The following OPHN1 variants were observed in gnomAD, a reference collection of about 807,000 sequenced individuals.
OPHN1 encodes oligophrenin 1.
In OPHN1, 11 loss-of-function variants were observed where a neutral mutation model predicts 60.7. That is an observed-to-expected ratio of 0.18 (90% CI 0.11 to 0.30). The LOEUF is 0.30. OPHN1 is among the 10% of genes least tolerant of loss of function. OPHN1 has a pLI of 1.00. For synonymous variants in OPHN1, 226 were observed against 222.6 expected, an observed-to-expected ratio of 1.02 and a Z score of -0.14; for missense variants, 449 against 611.0, an observed-to-expected ratio of 0.73 and a Z score of 2.80.
At chrX:68,317,553 AAG>A (rs1375572654) in intron 2 of OPHN1, among the ~76,000 whole-genome samples, 1 of 80,975 alleles carries the variant, frequency 1.2e-5, no homozygotes, top group African/African-American at 5.9e-5. Flanking sequence ...GAAAGAAAGA[AAG>A]AAAGAAAGAA....
chrX:68,394,086 G>T (rs2078670736), intron 2 of OPHN1, among the ~76,000 whole-genome samples: 1 of 106,380 alleles, frequency 9.4e-6, no homozygotes, highest in African/African-American at 3.3e-5. Flanking sequence ...TAGTAGAGAC[G>T]GGGTTTCACC....
intron 5 of OPHN1, among the ~76,000 whole-genome samples, chrX:68,252,253 A>G (rs1229165366): frequency 1.8e-5 from 2 of 112,604 alleles, no homozygotes; most frequent in Non-Finnish European, 3.7e-5. Flanking sequence ...TGAGCCAGAA[A>G]TAAATGCTTA....
At chrX:68,430,212 G>A (rs140546935) in intron 2 of OPHN1, among the ~76,000 whole-genome samples, 415 of 111,760 alleles carry the variant, frequency 3.7e-3, no homozygotes, top group Non-Finnish European at 6.3e-3. Context: ...AAGTCGCTCC[G>A]CTGGCACAGT....
intron 2 of OPHN1, among the ~76,000 whole-genome samples, chrX:68,303,371 G>A (rs2078130034): frequency 9.0e-6 from 1 of 111,611 alleles, no homozygotes; most frequent in Admixed American, 9.6e-5. Flanking sequence ...AATGGGCCAG[G>A]CACAGTGGCT....
At chrX:68,393,885 G>GCTTTTTTT (rs2078666953) in intron 2 of OPHN1, among the ~76,000 whole-genome samples, 2 of 34,587 alleles carry the variant, frequency 5.8e-5, no homozygotes, top group East Asian at 2.4e-3. Context: ...AATAGACTTT[G>GCTTTTTTT]TTTTTTTTTT....
chrX:68,332,250 C>T (rs991358826), intron 2 of OPHN1, among the ~76,000 whole-genome samples: 7 of 110,539 alleles, frequency 6.3e-5, no homozygotes, highest in Admixed American at 3.9e-4. Context: ...TTTTTCATTT[C>T]CAACATGACG....
intron 5 of OPHN1, among the ~76,000 whole-genome samples, chrX:68,273,604 A>G (rs977063524): frequency 8.9e-6 from 1 of 112,216 alleles, no homozygotes; most frequent in Non-Finnish European, 1.9e-5. Context: ...GTGACTGCTG[A>G]GCACTTGAAA....
chrX:68,162,512 G>A (rs1013151681), intron 15 of OPHN1, among the ~76,000 whole-genome samples: 4 of 110,550 alleles, frequency 3.6e-5, no homozygotes, highest in East Asian at 2.8e-4. Context: ...TATAAAAAAC[G>A]TAAGTAACAC....
intron 20 of OPHN1, among the ~76,000 whole-genome samples, chrX:68,067,640 G>A (rs2076917923): frequency 9.0e-6 from 1 of 111,298 alleles, no homozygotes; most frequent in South Asian, 3.9e-4. Context: ...CTAGGGGACC[G>A]CTGTTGAGAA....
intron 21 of OPHN1, among the ~76,000 whole-genome samples, chrX:68,055,286 T>A (rs776717565): frequency 8.9e-6 from 1 of 112,069 alleles, no homozygotes; most frequent in Non-Finnish European, 1.9e-5. Flanking sequence ...CGACTGTAAA[T>A]TTCCTCATCT....
At chrX:68,208,967 G>C (rs1217798193) in intron 9 of OPHN1, among the ~76,000 whole-genome samples, 1 of 112,497 alleles carries the variant, frequency 8.9e-6, no homozygotes, top group East Asian at 2.8e-4. Context: ...AACCTGACAA[G>C]TGGGAGAACA....
chrX:68,226,398 T>C (rs904332843), intron 6 of OPHN1, among the ~76,000 whole-genome samples: 2 of 110,731 alleles, frequency 1.8e-5, no homozygotes, highest in South Asian at 3.9e-4. Flanking sequence ...AGATACTGCT[T>C]GAGAAGAGCA....
At chrX:68,118,635 A>G (rs895957708) in intron 16 of OPHN1, among the ~76,000 whole-genome samples, 1 of 112,032 alleles carries the variant, frequency 8.9e-6, no homozygotes, top group African/African-American at 3.2e-5. Flanking sequence ...TGTCTTAAGC[A>G]CCTTTTGCAT....
chrX:68,372,790 T>C (rs1051634972), intron 2 of OPHN1, among the ~76,000 whole-genome samples: 1 of 111,466 alleles, frequency 9.0e-6, no homozygotes, highest in African/African-American at 3.3e-5. Context: ...GATAATGATC[T>C]CTGGTCACAC....
At chrX:68,414,000 T>G (rs1667929457) in intron 2 of OPHN1, among the ~76,000 whole-genome samples, 1 of 111,553 alleles carries the variant, frequency 9.0e-6, no homozygotes, top group African/African-American at 3.3e-5. Flanking sequence ...TGACAAGAAC[T>G]CTGTCTCTCT....
At chrX:68,266,403 C>T in intron 5 of OPHN1, among the ~76,000 whole-genome samples, 1 of 111,178 alleles carries the variant, frequency 9.0e-6, no homozygotes. Context: ...AATTCTCAAC[C>T]CAGAATTTCA....
intron 15 of OPHN1, among the ~76,000 whole-genome samples, chrX:68,148,131 T>TA (rs1171460758): frequency 1.8e-5 from 2 of 110,259 alleles, no homozygotes; most frequent in African/African-American, 3.3e-5. Context: ...AGATCATTAA[T>TA]AAAAAATGCC....
At chrX:68,335,699 C>T (rs1035883181) in intron 2 of OPHN1, among the ~76,000 whole-genome samples, 1 of 111,501 alleles carries the variant, frequency 9.0e-6, no homozygotes, top group African/African-American at 3.3e-5. Context: ...GAGGCCAAGG[C>T]AGGTGGATCA....
At chrX:68,111,987 G>C in intron 17 of OPHN1, 28 bp from the exon 18 acceptor site, 1 of 1,079,501 alleles carries the variant, frequency 9.3e-7, no homozygotes. Context: ...GAGATAAATG[G>C]TTTGGCTTTC....
Sources: gnomAD v4.1 joint callset for allele counts (sites outside exome capture counted in the v4.1 genomes callset) on GRCh38, gnomAD v4.1.1 for gene constraint, MANE v1.5 for transcripts, NCBI Gene and HGNC (gene_info 2026-07-23, HGNC 2026-07-21) for gene names.